The following RBFOX1 variants were observed in gnomAD, a reference collection of about 807,000 sequenced individuals.
RBFOX1 encodes RNA binding fox-1 homolog 1, also known as RNA binding protein fox-1 homolog 1.
Under a neutral mutation model 57.7 loss-of-function variants are expected in RBFOX1, and 8 were observed. The observed-to-expected ratio is 0.14, with a 90% CI of 0.08 to 0.25. The LOEUF (loss-of-function observed/expected upper bound fraction) is 0.25. Ranked by LOEUF, RBFOX1 falls within the 10% of genes least tolerant of loss-of-function variation. The pLI is 1.00. For synonymous variants in RBFOX1, 326 were observed against 222.4 expected, an observed-to-expected ratio of 1.47 and a Z score of -4.15; for missense variants, 611 against 548.5, an observed-to-expected ratio of 1.11 and a Z score of -1.14.
chr16:7,607,137 G>T, intron 9 of RBFOX1, 148 bp from the exon 10 acceptor site: 1 of 606,088 alleles, frequency 1.6e-6, no homozygotes, highest in Non-Finnish European at 2.8e-6. Flanking sequence ...TGGTTTTTAA[G>T]TATTTTTATG....
chr16:7,571,075 G>T (rs557254886), intron 5 of RBFOX1, among the ~76,000 whole-genome samples: 150 of 152,292 alleles, frequency 9.8e-4, no homozygotes, highest in African/African-American at 3.4e-3. Flanking sequence ...CACACTGGGG[G>T]AAGGGGCGAA....
chr16:5,901,901 G>T (rs760808279), intron 4 of RBFOX1, among the ~76,000 whole-genome samples: 3 of 152,028 alleles, frequency 2.0e-5, no homozygotes, highest in African/African-American at 4.8e-5. Flanking sequence ...TTGATCTTCA[G>T]ACTCCTTTTG....
At chr16:6,372,699 G>T (rs2090617904) in intron 2 of RBFOX1, among the ~76,000 whole-genome samples, 1 of 151,930 alleles carries the variant, frequency 6.6e-6, no homozygotes, top group African/African-American at 2.4e-5. Context: ...TCTTTGGATA[G>T]GAGGATAGTT....
At chr16:5,950,455 A>G (rs55719286) in intron 4 of RBFOX1, among the ~76,000 whole-genome samples, 12,004 of 152,144 alleles carry the variant, frequency 0.079, 553 homozygotes, top group Middle Eastern at 0.17. Flanking sequence ...TCTTATGGTC[A>G]TTCTTTCTAT....
chr16:7,276,518 A>C (rs1336692239), intron 4 of RBFOX1, among the ~76,000 whole-genome samples: 1 of 152,130 alleles, frequency 6.6e-6, no homozygotes, highest in Admixed American at 6.5e-5. Flanking sequence ...AGCAAAGGGT[A>C]GGGAAATCTA....
chr16:6,348,492 T>C (rs1186656549), intron 2 of RBFOX1, among the ~76,000 whole-genome samples: 6 of 152,142 alleles, frequency 3.9e-5, no homozygotes, highest in African/African-American at 1.4e-4. Context: ...CAGCCTGTTC[T>C]TGCACTGCTA....
chr16:6,654,668 A>G lies in RBFOX1; in HGVS notation c.-16+18A>G. ...ACAGAAAGGTGAGTCAATATTTTTC[A>G]TTTTTAGGGTTGCAAACAAAACAAG... On this transcript the variant is annotated intron_variant, in intron 3 of 15. Transcript: ENST00000550418. 6.7e-7 allele frequency: 1 copy of G among 1,500,838 alleles called. No homozygotes were observed. Among genetic ancestry groups the G allele is most frequent in the Non-Finnish European group, 8.8e-7 (1 of 1,133,148 alleles). 93.0% of individuals were successfully genotyped at this position (1,500,838 alleles called of 1,614,324 possible). A position where few individuals can be genotyped will look rare whatever the true frequency, so the allele number is the denominator to read the frequency against.
At chr16:5,753,612 A>G (rs1391553542) in intron 3 of RBFOX1, among the ~76,000 whole-genome samples, 2 of 152,138 alleles carry the variant, frequency 1.3e-5, no homozygotes, top group South Asian at 2.1e-4. Flanking sequence ...AAGGAAACCT[A>G]CCAGCTGGTT....
intron 3 of RBFOX1, among the ~76,000 whole-genome samples, chr16:6,844,041 TTC>T (rs1021624936): frequency 6.6e-6 from 1 of 151,918 alleles, no homozygotes; most frequent in African/African-American, 2.4e-5. Flanking sequence ...TCCATTTTCT[TTC>T]TCTCTCTCTT....
At chr16:7,341,515 G>C (rs1032176238) in intron 4 of RBFOX1, among the ~76,000 whole-genome samples, 3 of 152,132 alleles carry the variant, frequency 2.0e-5, no homozygotes, top group African/African-American at 7.2e-5. Context: ...AAGCACAACT[G>C]TTTGAAGATA....
At chr16:5,362,935 C>G (rs532583319) in intron 1 of RBFOX1, among the ~76,000 whole-genome samples, 5 of 152,072 alleles carry the variant, frequency 3.3e-5, no homozygotes, top group Admixed American at 1.3e-4. Flanking sequence ...TTATCCATCA[C>G]TGCACATTTA....
At chr16:5,704,690 G>C (rs1183038857) in intron 3 of RBFOX1, among the ~76,000 whole-genome samples, 5 of 152,106 alleles carry the variant, frequency 3.3e-5, no homozygotes, top group Non-Finnish European at 7.3e-5. Context: ...GGTGGCTAGG[G>C]TTTCATTTGG....
At chr16:5,846,002 A>C (rs1446120918) in intron 3 of RBFOX1, among the ~76,000 whole-genome samples, 2 of 152,014 alleles carry the variant, frequency 1.3e-5, no homozygotes, top group African/African-American at 4.8e-5. Context: ...GTGAAACCCT[A>C]TCTCTACTAA....
intron 15 of RBFOX1, chr16:7,710,331 A>G: frequency 8.1e-7 from 1 of 1,237,496 alleles, no homozygotes; most frequent in Non-Finnish European, 1.0e-6. Context: ...TTCTGTTATA[A>G]AAAAATGAGA....
chr16:7,449,673 T>G (rs2098835796), intron 4 of RBFOX1, among the ~76,000 whole-genome samples: 1 of 147,982 alleles, frequency 6.8e-6, no homozygotes, highest in African/African-American at 2.5e-5. Flanking sequence ...TGGTGATAAT[T>G]TGTCAGTTGG....
intron 1 of RBFOX1, among the ~76,000 whole-genome samples, chr16:6,240,950 A>G (rs546326702): frequency 6.6e-6 from 1 of 151,926 alleles, no homozygotes; most frequent in Admixed American, 6.6e-5. Flanking sequence ...GTTTCTACCG[A>G]CTCACCCTGA....
chr16:7,103,860 G>C (rs561283856), intron 4 of RBFOX1, among the ~76,000 whole-genome samples: 5 of 152,212 alleles, frequency 3.3e-5, no homozygotes, highest in Non-Finnish European at 5.9e-5. Context: ...CTATTACCTA[G>C]TGATACCATT....
intron 3 of RBFOX1, among the ~76,000 whole-genome samples, chr16:5,609,566 C>T (rs1176557087): frequency 6.6e-6 from 1 of 152,164 alleles, no homozygotes; most frequent in Admixed American, 6.5e-5. Flanking sequence ...ACCGTGTCAG[C>T]GAAGGTTGAC....
chr16:6,693,374 T>A (rs1443762369), intron 3 of RBFOX1, among the ~76,000 whole-genome samples: 6 of 148,318 alleles, frequency 4.0e-5, no homozygotes, highest in Non-Finnish European at 8.9e-5. Context: ...ATCAACATCA[T>A]CCTACTCCAC....
Sources: gnomAD v4.1 joint callset for allele counts (sites outside exome capture counted in the v4.1 genomes callset) on GRCh38, gnomAD v4.1.1 for gene constraint, MANE v1.5 for transcripts, NCBI Gene and HGNC (gene_info 2026-07-23, HGNC 2026-07-21) for gene names.